SYCP1: variants seen among roughly 807,000 people sequenced by gnomAD.
SYCP1 encodes synaptonemal complex protein 1.
SYCP1 carries 64 observed loss-of-function variants against 153.1 expected under a neutral mutation model. The ratio of observed to expected loss-of-function variants is 0.42; its 90% confidence interval spans 0.34 to 0.51. The LOEUF is 0.51. Ranked by LOEUF, SYCP1 falls within the 20% of genes least tolerant of loss-of-function variation. SYCP1 has a pLI of 0.06. For synonymous variants in SYCP1, 384 were observed against 341.8 expected, an observed-to-expected ratio of 1.12 and a Z score of -1.36; for missense variants, 997 against 1,049.0, an observed-to-expected ratio of 0.95 and a Z score of 0.68.
intron 15 of SYCP1, among the ~76,000 whole-genome samples, chr1:114,894,698 A>G (rs893533622): frequency 6.6e-6 from 1 of 152,074 alleles, no homozygotes; most frequent in East Asian, 1.9e-4. Context: ...AAATGGGGAG[A>G]AGTTAATAGT....
rs1666237901 is a variant in SYCP1 at position 114,885,577 on chromosome 1, A to G, written c.953A>G (p.His318Arg). The G allele has an allele frequency of 1.3e-6, 2 of 1,585,476 alleles. No homozygotes were observed. Among genetic ancestry groups the G allele is most frequent in the Non-Finnish European group, 1.7e-6 (2 of 1,165,552 alleles). The change falls in exon 13 of 32, where the codon CAT becomes CGT. Residue 318 changes from histidine (H) to arginine (R), a missense_variant. By Grantham distance (29) the His-to-Arg change is conservative. This residue lies in a region of SYCP1 where 285 missense variants were observed against 366.1 expected (regional missense o/e 0.78). Coordinates refer to ENST00000369522, the MANE Select transcript of SYCP1 (RefSeq NM_003176.4). ...ENLKQSIEKQ[H>R]HLTKELEDIK... ...TTAAAACAATCAATTGAGAAACAGC[A>G]TCATTTGACTAAAGAACTAGAAGAT...
intron 30 of SYCP1, among the ~76,000 whole-genome samples, chr1:114,988,252 GGAAA>G (rs1479591423): frequency 6.6e-6 from 1 of 151,042 alleles, no homozygotes; most frequent in Admixed American, 6.6e-5. Flanking sequence ...AGAGAGAGGT[GGAAA>G]GAGTTATATG....
chr1:114,889,232 T>C (rs1398446764), intron 15 of SYCP1, among the ~76,000 whole-genome samples: 2 of 152,174 alleles, frequency 1.3e-5, no homozygotes, highest in Non-Finnish European at 2.9e-5. Flanking sequence ...GTAATGGGAT[T>C]GCTGGGTCAA....
At chr1:114,954,220 C>T (rs1005737219) in intron 27 of SYCP1, among the ~76,000 whole-genome samples, 1 of 152,054 alleles carries the variant, frequency 6.6e-6, no homozygotes, top group Non-Finnish European at 1.5e-5. Flanking sequence ...GACGTGAGAA[C>T]ATTAAAAATC....
chr1:114,937,086 A>G lies in SYCP1; in HGVS notation c.1927-7253A>G, dbSNP rs570560799. 6.8e-4 allele frequency among the ~76,000 whole-genome samples: 104 copies of G among 152,352 alleles called. 1 individual carries two copies. The highest frequency in any genetic ancestry group is 2.4e-3 in the African/African-American group (101 of 41,582). ...AACCAAAAAAGAGCCCGCATTGCCAAGACAATTCTAAGCGAAAAGAACAAA... is the reference window on the plus strand; with the variant it reads ...AACCAAAAAAGAGCCCGCATTGCCAGGACAATTCTAAGCGAAAAGAACAAA... On this transcript the variant is annotated intron_variant, in intron 23 of 31. Transcript: ENST00000369522.
At chr1:114,924,689 AT>A (rs932891724) in intron 21 of SYCP1, among the ~76,000 whole-genome samples, 1 of 152,116 alleles carries the variant, frequency 6.6e-6, no homozygotes, top group Non-Finnish European at 1.5e-5. Context: ...ACTACAAAAA[AT>A]TCATTGTAAC....
intron 23 of SYCP1, 101 bp downstream of exon 23, chr1:114,926,664 C>T: frequency 4.2e-6 from 4 of 963,516 alleles, no homozygotes; most frequent in South Asian, 2.0e-5. Context: ...CAATTTATAC[C>T]ATAACAGTAT....
At chr1:114,914,929 A>C (rs1668419177) in intron 20 of SYCP1, among the ~76,000 whole-genome samples, 2 of 152,158 alleles carry the variant, frequency 1.3e-5, no homozygotes, top group African/African-American at 4.8e-5. Flanking sequence ...GCAGACACAC[A>C]CATGCACACA....
chr1:114,964,022 C>G (rs570260817), intron 27 of SYCP1, among the ~76,000 whole-genome samples: 15 of 152,336 alleles, frequency 9.8e-5, no homozygotes, highest in Admixed American at 2.0e-4. Flanking sequence ...TCTCCACATC[C>G]TCTCCAGCAT....
Position 114,923,494 on chromosome 1 carries a change from T to C in SYCP1, c.1764T>C (p.Asp588=). The C allele has an allele frequency of 4.4e-6, 7 of 1,591,894 alleles. No homozygotes were observed. Among genetic ancestry groups the C allele is most frequent in the Non-Finnish European group, 6.0e-6 (7 of 1,166,112 alleles). The part of the protein sequence containing the change: ...YVREELKQKR[D]EVKCKLDKSE... ...GAGAAGAGCTAAAACAGAAAAGAGA[T>C]GAAGTTAAATGTAAATTGGACAAGA... The change falls in exon 21 of 32, where the codon GAT becomes GAC. Residue 588 remains aspartate (D), a synonymous_variant. Coordinates refer to ENST00000369522, the MANE Select transcript of SYCP1 (RefSeq NM_003176.4).
At chr1:114,919,420 G>T (rs1668715594) in intron 20 of SYCP1, among the ~76,000 whole-genome samples, 1 of 151,966 alleles carries the variant, frequency 6.6e-6, no homozygotes. Context: ...TGTTGTTGAA[G>T]ATTTTTGCAT....
chr1:114,887,741 A>C (rs1210722678), intron 15 of SYCP1, 48 bp downstream of exon 15: 1 of 1,195,814 alleles, frequency 8.4e-7, no homozygotes, highest in Admixed American at 2.6e-5. Flanking sequence ...TTAACTTATT[A>C]TAGAATCATA....
chr1:114,987,754 ACAAAC>A (rs1222881997), intron 30 of SYCP1, among the ~76,000 whole-genome samples: 7 of 152,004 alleles, frequency 4.6e-5, no homozygotes, highest in Non-Finnish European at 1.0e-4. Context: ...AAGGAACAAA[ACAAAC>A]CAACAGAAAT....
At chr1:114,857,918 G>A (rs1186891092) in intron 5 of SYCP1, among the ~76,000 whole-genome samples, 13 of 151,912 alleles carry the variant, frequency 8.6e-5, no homozygotes, top group Non-Finnish European at 1.0e-4. Context: ...AAATTCCATA[G>A]CCTGGTAAGG....
chr1:114,934,080 G>A (rs1669816600), intron 23 of SYCP1, among the ~76,000 whole-genome samples: 1 of 152,062 alleles, frequency 6.6e-6, no homozygotes, highest in Admixed American at 6.6e-5. Flanking sequence ...GATACTCCTC[G>A]AGAAGAGCAA....
At chr1:114,861,443 G>T (rs2101309491) in intron 8 of SYCP1, among the ~76,000 whole-genome samples, 1 of 152,110 alleles carries the variant, frequency 6.6e-6, no homozygotes, top group Admixed American at 6.5e-5. Context: ...TTTCTGCCAA[G>T]AATCCATTGG....
chr1:114,895,656 T>A, intron 16 of SYCP1, 147 bp downstream of exon 16: 1 of 442,994 alleles, frequency 2.3e-6, no homozygotes, highest in East Asian at 3.7e-5. Context: ...TAAGTAAAGA[T>A]GCATTTTTTA....
At chr1:114,951,730 A>G (rs57868468) in intron 27 of SYCP1, among the ~76,000 whole-genome samples, 2,638 of 152,268 alleles carry the variant, frequency 0.017, 77 homozygotes, top group African/African-American at 0.059. Flanking sequence ...TTTGACATTG[A>G]CACAATTAAG....
At chr1:114,878,687 G>A (rs1214562234) in intron 12 of SYCP1, among the ~76,000 whole-genome samples, 6 of 152,106 alleles carry the variant, frequency 3.9e-5, no homozygotes, top group African/African-American at 1.4e-4. Flanking sequence ...GGGACTATAG[G>A]TGTGTACCAC....
Sources: gnomAD v4.1 joint callset for allele counts (sites outside exome capture counted in the v4.1 genomes callset) on GRCh38, gnomAD v4.1.1 for gene constraint, gnomAD v4.1.1 regional missense constraint, MANE v1.5 for transcripts, NCBI Gene and HGNC (gene_info 2026-07-23, HGNC 2026-07-21) for gene names.